Variants in THOC1 observed in about 807,000 individuals in gnomAD.
THOC1 encodes THO complex 1.
A neutral mutation model predicts 97.3 loss-of-function variants in THOC1; 29 were observed. The observed-to-expected ratio is 0.30, with a 90% confidence interval of 0.22 to 0.41. The LOEUF (loss-of-function observed/expected upper bound fraction) is 0.41. Among genes scored for constraint, THOC1 ranks in the 10% least tolerant of loss-of-function variants. THOC1 has a pLI of 1.00. For missense variants in THOC1, 529 were observed against 761.9 expected (o/e 0.69, Z 3.60); for synonymous variants, 255 against 257.0 (o/e 0.99, Z 0.07).
intron 11 of THOC1, among the ~76,000 whole-genome samples, chr18:237,078 G>A (rs1458513860): frequency 6.6e-6 from 1 of 151,154 alleles, no homozygotes; most frequent in African/African-American, 2.4e-5. Context: ...CAGCTCTACA[G>A]TTTCTACTGT....
intron 11 of THOC1, among the ~76,000 whole-genome samples, chr18:234,739 T>C (rs1051829658): frequency 6.7e-6 from 1 of 149,710 alleles, no homozygotes; most frequent in Non-Finnish European, 1.5e-5. Context: ...CTTACATTCC[T>C]AGGATAAACT....
chr18:249,706 C>T (rs1416589138), intron 9 of THOC1, among the ~76,000 whole-genome samples: 7 of 149,012 alleles, frequency 4.7e-5, no homozygotes, highest in East Asian at 1.9e-4. Flanking sequence ...TTCCCTAAAA[C>T]GTTAAAGTAA....
chr18:216,379 A>G, intron 19 of THOC1, 107 bp downstream of exon 19: 1 of 1,222,312 alleles, frequency 8.2e-7, no homozygotes, highest in Non-Finnish European at 1.1e-6. Context: ...GAGCTTGTGG[A>G]TCACTGGTTT....
chr18:220,162 G>C (rs1598286941), intron 17 of THOC1, among the ~76,000 whole-genome samples: 1 of 152,202 alleles, frequency 6.6e-6, no homozygotes, highest in South Asian at 2.1e-4. Context: ...CCCACTCTTT[G>C]CTCTGACAAT....
chr18:262,690 T>A (rs1003982276), intron 4 of THOC1, among the ~76,000 whole-genome samples: 1 of 152,244 alleles, frequency 6.6e-6, no homozygotes, highest in African/African-American at 2.4e-5. Flanking sequence ...ATTAGGCAGC[T>A]TGTATAAACA....
At chr18:221,330 T>G (rs1337353963) in intron 17 of THOC1, among the ~76,000 whole-genome samples, 1 of 152,170 alleles carries the variant, frequency 6.6e-6, no homozygotes, top group Non-Finnish European at 1.5e-5. Context: ...TGGTGAAAAC[T>G]GACCCTGGGT....
chr18:216,951 T>C (rs2143134932), intron 18 of THOC1, among the ~76,000 whole-genome samples: 1 of 152,338 alleles, frequency 6.6e-6, no homozygotes, highest in East Asian at 1.9e-4. Flanking sequence ...ACTGGCTGGA[T>C]GCAGTACGTA....
At chr18:236,061 C>A (rs1911672077) in intron 11 of THOC1, among the ~76,000 whole-genome samples, 1 of 152,016 alleles carries the variant, frequency 6.6e-6, no homozygotes, top group Non-Finnish European at 1.5e-5. Context: ...TGTTTCTTGT[C>A]CTATTTATAC....
chr18:226,948 C>T, intron 11 of THOC1, 47 bp from the exon 12 acceptor site: 1 of 1,414,222 alleles, frequency 7.1e-7, no homozygotes, highest in Non-Finnish European at 9.7e-7. Context: ...ACATTAAAAT[C>T]AAGTTTTTCC....
chr18:260,012 CCA>C lies in THOC1; in HGVS notation c.375+172_375+173del, dbSNP rs33953847. 1,194 of 529,174 alleles carry C rather than the reference CCA, an allele frequency of 2.3e-3. 6 individuals are homozygous for C. The highest frequency in any genetic ancestry group is 0.019 in the African/African-American group (946 of 49,958). 32.8% of individuals were successfully genotyped at this position (529,174 alleles called of 1,614,324 possible). The stretch of plus-strand genomic sequence containing the variant: ...CAAATTTTGTATTTCAAGTTTTTCT[CCA>C]CACATGGTTTTTATTTGGCTCTCCC... On this transcript the variant is annotated intron_variant, in intron 5 of 20. Transcript: ENST00000261600.
intron 11 of THOC1, among the ~76,000 whole-genome samples, chr18:231,149 A>G (rs548554556): frequency 2.2e-4 from 34 of 152,158 alleles, no homozygotes; most frequent in Admixed American, 4.6e-4. Flanking sequence ...GGGTCTCGCT[A>G]TGTTGCCCAG....
chr18:260,334 GTT>G, intron 4 of THOC1, 30 bp from the exon 5 acceptor site: 1 of 1,403,140 alleles, frequency 7.1e-7, no homozygotes, highest in Non-Finnish European at 9.5e-7. Flanking sequence ...CAATTTAAAA[GTT>G]TAAAAAACTG....
chr18:223,380 G>A (rs1911159161), intron 17 of THOC1, 60 bp downstream of exon 17: 1 of 1,335,498 alleles, frequency 7.5e-7, no homozygotes, highest in African/African-American at 1.5e-5. Flanking sequence ...CTGAGAAAAG[G>A]CTCCATTCTA....
At chr18:226,104 A>G (rs934645866) in intron 12 of THOC1, 9 of 152,282 alleles carry the variant, frequency 5.9e-5, no homozygotes, top group African/African-American at 2.2e-4. Context: ...AGGATAAGAA[A>G]TAACATTTTT....
At chr18:248,882 C>CT (rs1320473174) in intron 9 of THOC1, among the ~76,000 whole-genome samples, 2 of 152,210 alleles carry the variant, frequency 1.3e-5, no homozygotes, top group Admixed American at 1.3e-4. Context: ...TCCTGAGTAG[C>CT]TGGGACTACA....
In THOC1 at chr18:221,665, G is replaced by A. The variant is rs953325473; in HGVS notation, c.1370+1775C>T. Among the ~76,000 whole-genome samples the A allele has an allele frequency of 5.1e-5, 7 of 138,126 alleles. 1 individual carries two copies. The highest frequency in any genetic ancestry group is 1.1e-4 in the Non-Finnish European group (7 of 66,236). 90.6% of individuals were successfully genotyped at this position (138,126 alleles called of 152,430 possible). ...GCTCTGTCGCCCAGGCTGGAGTGCA[G>A]TGGTGCGATCTCGACTCACTGCAAG... On this transcript the variant is annotated intron_variant, in intron 17 of 20. Coordinates refer to ENST00000261600, the MANE Select transcript of THOC1 (RefSeq NM_005131.3).
intron 17 of THOC1, among the ~76,000 whole-genome samples, chr18:220,700 CTA>C (rs1911046404): frequency 6.6e-6 from 1 of 152,154 alleles, no homozygotes. Flanking sequence ...CTGAATCTGA[CTA>C]TTCATTTGTA....
chr18:257,880 G>A (rs1912485598), intron 7 of THOC1, among the ~76,000 whole-genome samples: 1 of 152,132 alleles, frequency 6.6e-6, no homozygotes. Flanking sequence ...AGGATACAGT[G>A]AGAAGGTATA....
At chr18:261,661 C>G (rs770075153) in intron 4 of THOC1, among the ~76,000 whole-genome samples, 7 of 152,120 alleles carry the variant, frequency 4.6e-5, no homozygotes, top group Non-Finnish European at 7.3e-5. Context: ...CTCTAAAGTC[C>G]CTAACAATAC....
Sources: gnomAD v4.1 joint callset for allele counts (sites outside exome capture counted in the v4.1 genomes callset) on GRCh38, gnomAD v4.1.1 for gene constraint, MANE v1.5 for transcripts, NCBI Gene and HGNC (gene_info 2026-07-23, HGNC 2026-07-21) for gene names.